Variants in ANKS1B observed in about 807,000 individuals in gnomAD.
ANKS1B encodes ankyrin repeat and sterile alpha motif domain containing 1B.
Under a neutral mutation model 148.3 loss-of-function variants are expected in ANKS1B, and 36 were observed. The observed-to-expected ratio is 0.24, with a 90% CI of 0.19 to 0.32. The LOEUF is 0.32. ANKS1B is among the 10% of genes least tolerant of loss of function. The pLI is 1.00. For synonymous variants in ANKS1B, 542 were observed against 560.8 expected, an observed-to-expected ratio of 0.97 and a Z score of 0.47; for missense variants, 1,157 against 1,542.6, an observed-to-expected ratio of 0.75 and a Z score of 4.19.
rs755022528 is a variant in ANKS1B, at chr12:99,528,426, C to CAAAAAAAAAAA, written c.1273-23786_1273-23785insTTTTTTTTTTT. ...GCACAGCCAAAAAACAGAACAAAAA[C>CAAAAAAAAAAA]AAAAACAAAAAAAAAAACAAAAAAA... is the stretch of plus-strand genomic sequence containing the variant. On this transcript the variant is annotated intron_variant, in intron 9 of 26. Transcript: ENST00000683438. 3.4e-5 allele frequency among the ~76,000 whole-genome samples: 4 copies of CAAAAAAAAAAA among 117,050 alleles called. No individual in the cohort carries two copies. In the East Asian group the frequency reaches 8.6e-4, roughly 25 times the overall value. The allele number at this position is 117,050 out of a possible 152,430, so 76.8% of individuals were successfully genotyped here.
rs201259310 is a variant in ANKS1B, at chr12:99,468,398, A to C, written c.1439-24589T>G. On this transcript the variant is annotated intron_variant, in intron 10 of 26. Coordinates refer to ENST00000683438, the MANE Select transcript of ANKS1B (RefSeq NM_001352186.2). ...GCATGGGCAAGGACTTCATGTCTAA[A>C]ACAGCAAAAGCAATGGCAACGAAAG... Among the ~76,000 whole-genome samples, 69 of 152,368 alleles carry C rather than the reference A, an allele frequency of 4.5e-4. No individual in the cohort carries two copies. In the East Asian group the frequency reaches 9.3e-3, roughly 20 times the overall value.
intron 12 of ANKS1B, among the ~76,000 whole-genome samples, chr12:99,302,084 T>A (rs1019723122): frequency 2.0e-5 from 3 of 152,126 alleles, no homozygotes; most frequent in African/African-American, 7.2e-5. Context: ...GTCTCTCTAT[T>A]AAGAAGAGGG....
intron 8 of ANKS1B, among the ~76,000 whole-genome samples, chr12:99,708,915 G>A (rs773945688): frequency 1.6e-4 from 24 of 152,086 alleles, no homozygotes; most frequent in African/African-American, 5.3e-4. Flanking sequence ...GAAGCTGTTC[G>A]TCTGTGGTAA....
chr12:99,735,906 C>T (rs974161753), intron 8 of ANKS1B, among the ~76,000 whole-genome samples: 4 of 148,594 alleles, frequency 2.7e-5, no homozygotes, highest in South Asian at 2.1e-4. Context: ...AAAAAGATAA[C>T]ACATACACCA....
rs528177794 is a variant in ANKS1B at position 98,813,170 on chromosome 12, C to T, written c.3067-5252G>A. Among the ~76,000 whole-genome samples the T allele has an allele frequency of 2.2e-4, 34 of 151,490 alleles. 1 individual carries two copies. In the South Asian group the frequency reaches 7.1e-3, roughly 32 times the overall value. On this transcript the variant is annotated intron_variant, in intron 19 of 26. Coordinates refer to ENST00000683438, the MANE Select transcript of ANKS1B (RefSeq NM_001352186.2). ...TATAATACCAGTCATAAAATTTCAT[C>T]TGGGGCCCAAATTCCTAGAAAAGTA...
At chr12:98,781,688 A>T (rs997205744) in intron 23 of ANKS1B, among the ~76,000 whole-genome samples, 1 of 152,180 alleles carries the variant, frequency 6.6e-6, no homozygotes, top group Non-Finnish European at 1.5e-5. Context: ...ATGTATACTT[A>T]AAATAGGGAT....
intron 12 of ANKS1B, among the ~76,000 whole-genome samples, chr12:99,297,362 T>C (rs1173133642): frequency 6.6e-6 from 1 of 152,202 alleles, no homozygotes; most frequent in Non-Finnish European, 1.5e-5. Context: ...AATGAGATCA[T>C]ACAACACAGA....
At position 99,534,155 on chromosome 12, in the gene ANKS1B, TGAA is replaced by T. The variant is rs545127038; in HGVS notation, c.1273-29517_1273-29515del. Among the ~76,000 whole-genome samples, 534 of 152,328 alleles carry T rather than the reference TGAA, an allele frequency of 3.5e-3. 4 individuals carry two copies. The highest frequency in any genetic ancestry group is 0.011 in the African/African-American group (444 of 41,568). On this transcript the variant is annotated intron_variant, in intron 9 of 26. Coordinates refer to ENST00000683438, the MANE Select transcript of ANKS1B (RefSeq NM_001352186.2). ...CAAATAATATCATTGTTTAAAATACTGAAGAAGAATATATTGCAATGACAATAT... is the reference window on the plus strand; with the variant it reads ...CAAATAATATCATTGTTTAAAATACTGAAGAATATATTGCAATGACAATAT...
chr12:99,268,650 A>T (rs1412093504), intron 12 of ANKS1B, among the ~76,000 whole-genome samples: 1 of 152,208 alleles, frequency 6.6e-6, no homozygotes, highest in East Asian at 1.9e-4. Flanking sequence ...ACACATACAC[A>T]TGCTGGTAGT....
intron 1 of ANKS1B, among the ~76,000 whole-genome samples, chr12:99,965,983 A>G (rs2095479719): frequency 6.6e-6 from 1 of 152,192 alleles, no homozygotes; most frequent in South Asian, 2.1e-4. Flanking sequence ...CAGCAGGTAA[A>G]CCCAAAGTGA....
chr12:99,452,627 G>C (rs915257799), intron 10 of ANKS1B, among the ~76,000 whole-genome samples: 1 of 152,118 alleles, frequency 6.6e-6, no homozygotes, highest in Non-Finnish European at 1.5e-5. Context: ...AAGTAAAAAA[G>C]CCCAAGTATC....
intron 17 of ANKS1B, among the ~76,000 whole-genome samples, chr12:98,884,723 C>G (rs1238432404): frequency 6.9e-6 from 1 of 144,914 alleles, no homozygotes; most frequent in Non-Finnish European, 1.5e-5. Context: ...GGCGTGAACC[C>G]GGGAAGCGGA....
intron 14 of ANKS1B, among the ~76,000 whole-genome samples, chr12:99,193,863 G>A (rs986932440): frequency 1.5e-5 from 2 of 132,564 alleles, no homozygotes; most frequent in Admixed American, 1.8e-4. Flanking sequence ...GTGCAGTGGT[G>A]CGATCTTGGT....
intron 14 of ANKS1B, among the ~76,000 whole-genome samples, chr12:99,197,985 A>G (rs1442352022): frequency 6.6e-6 from 1 of 152,082 alleles, no homozygotes; most frequent in Non-Finnish European, 1.5e-5. Flanking sequence ...TAAAATATCT[A>G]TCTTCCACAT....
At chr12:99,020,026 T>C (rs2099944820) in intron 17 of ANKS1B, among the ~76,000 whole-genome samples, 1 of 152,158 alleles carries the variant, frequency 6.6e-6, no homozygotes, top group Non-Finnish European at 1.5e-5. Flanking sequence ...ATGTTTGTTG[T>C]GGTTTTAAAG....
chr12:99,470,101 A>T (rs2096213916), intron 10 of ANKS1B, among the ~76,000 whole-genome samples: 1 of 151,594 alleles, frequency 6.6e-6, no homozygotes, highest in Non-Finnish European at 1.5e-5. Flanking sequence ...CCTAGGTAAC[A>T]GAGACTCTGT....
intron 12 of ANKS1B, among the ~76,000 whole-genome samples, chr12:99,328,322 G>T (rs185182449): frequency 1.3e-5 from 2 of 152,016 alleles, no homozygotes; most frequent in East Asian, 3.9e-4. Context: ...ATCTAACGGG[G>T]TGAGCAAAAC....
At chr12:99,551,985 T>C (rs1446616077) in intron 9 of ANKS1B, among the ~76,000 whole-genome samples, 1 of 152,144 alleles carries the variant, frequency 6.6e-6, no homozygotes, top group Non-Finnish European at 1.5e-5. Context: ...CAATCATATA[T>C]GTACAGTTCC....
At chr12:99,205,172 G>C (rs11837753) in intron 14 of ANKS1B, among the ~76,000 whole-genome samples, 8,458 of 152,234 alleles carry the variant, frequency 0.056, 790 homozygotes, top group African/African-American at 0.19. Flanking sequence ...GAGAGTGCGA[G>C]ATGATGGCCA....
Sources: gnomAD v4.1 joint callset for allele counts (sites outside exome capture counted in the v4.1 genomes callset) on GRCh38, gnomAD v4.1.1 for gene constraint, MANE v1.5 for transcripts, NCBI Gene and HGNC (gene_info 2026-07-23, HGNC 2026-07-21) for gene names.